FRYL: variants seen among roughly 807,000 people sequenced by gnomAD.
FRYL encodes protein furry homolog-like.
FRYL carries 150 observed loss-of-function variants against 351.2 expected under a neutral mutation model. The ratio of observed to expected loss-of-function variants is 0.43; its 90% CI spans 0.37 to 0.49. The LOEUF is 0.49. Ranked by LOEUF, FRYL falls within the 20% of genes least tolerant of loss-of-function variation. The pLI, the probability that FRYL is intolerant of heterozygous loss-of-function variation, is 0.00. For synonymous variants in FRYL, 1,153 were observed against 1,257.1 expected (o/e 0.92, Z 1.75); for missense variants, 3,036 against 3,619.3 (o/e 0.84, Z 4.13).
At chr4:48,581,074 C>T (rs1740792446) in intron 21 of FRYL, 123 bp from the exon 22 acceptor site, 2 of 585,694 alleles carry the variant, frequency 3.4e-6, no homozygotes, top group Non-Finnish European at 5.7e-6. Flanking sequence ...GAGACGGAGT[C>T]TCGCTCTGTC....
At chr4:48,612,971 A>G (rs1748552476) in intron 7 of FRYL, among the ~76,000 whole-genome samples, 2 of 152,148 alleles carry the variant, frequency 1.3e-5, no homozygotes. Flanking sequence ...ATGAGTATGT[A>G]TGTATATGAA....
chr4:48,540,683 C>A lies in FRYL; in HGVS notation c.5965G>T (p.Asp1989Tyr). The stretch of plus-strand genomic sequence containing the variant: ...GTAGGCTCAGTAGTGGACTGCACGT[C>A]ATACATTCCTTTCTCTCTTAGAGAG... Reference protein sequence around the residue: ...LSSLREKGMYDVQSTTEPTNL... With the variant: ...LSSLREKGMYYVQSTTEPTNL... The change falls in exon 46 of 64, where the codon GAC (aspartate) becomes TAC (tyrosine). Residue 1989 changes from aspartate to tyrosine, a missense_variant. By Grantham distance (160) the Asp-to-Tyr change is radical (BLOSUM62 -3). Around this residue, in one of 7 missense-constraint regions of FRYL, gnomAD observed 1,987 missense variants for 2,311.7 expected, o/e 0.86. Coordinates refer to ENST00000358350, the MANE Select transcript of FRYL (RefSeq NM_015030.2). 6.2e-7 allele frequency: 1 copy of A among 1,614,016 alleles called. No homozygotes were observed. Among genetic ancestry groups the A allele is most frequent in the South Asian group, 1.1e-5 (1 of 91,078 alleles).
chr4:48,712,692 C>T (rs1692937683), intron 1 of FRYL, among the ~76,000 whole-genome samples: 1 of 152,190 alleles, frequency 6.6e-6, no homozygotes, highest in African/African-American at 2.4e-5. Context: ...GGCAGGCCAA[C>T]ATTCAGATTC....
chr4:48,617,137 C>T (rs1423182714), intron 7 of FRYL, among the ~76,000 whole-genome samples: 2 of 151,686 alleles, frequency 1.3e-5, no homozygotes, highest in East Asian at 3.9e-4. Context: ...TTTAAATTAG[C>T]GTATGGGGAT....
At chr4:48,503,675 T>C (rs1720250938) in intron 60 of FRYL, among the ~76,000 whole-genome samples, 1 of 152,198 alleles carries the variant, frequency 6.6e-6, no homozygotes, top group South Asian at 2.1e-4. Context: ...CTTTTCTAAA[T>C]AGTTTCCTGT....
At chr4:48,530,930 T>C (rs1342758551) in intron 50 of FRYL, among the ~76,000 whole-genome samples, 4 of 152,200 alleles carry the variant, frequency 2.6e-5, no homozygotes, top group Non-Finnish European at 5.9e-5. Flanking sequence ...GGAAGCTAAG[T>C]TGTGGCGTTT....
intron 59 of FRYL, 41 bp downstream of exon 59, chr4:48,510,018 A>G (rs754829406): frequency 1.5e-6 from 2 of 1,373,268 alleles, no homozygotes; most frequent in Non-Finnish European, 2.1e-6. Flanking sequence ...TTCCAGTGTC[A>G]AGAGCAAACC....
Position 48,764,171 on chromosome 4 carries a change from AAAAT to A in FRYL, c.-384+15903_-384+15906del, listed in dbSNP as rs774110993. Among the ~76,000 whole-genome samples, 7 of 152,090 alleles carry A rather than the reference AAAAT, an allele frequency of 4.6e-5. No homozygotes were observed. In the East Asian group the frequency reaches 9.7e-4, roughly 21 times the overall value. On this transcript the variant is annotated intron_variant, in intron 1 of 63. Transcript: ENST00000358350. ...TGTGACAGAGCAAGACTCTATCTCA[AAAAT>A]AAATAAATAAATAAATAAATTAAAT...
chr4:48,544,935 G>A, intron 42 of FRYL, 31 bp from the exon 43 acceptor site: 1 of 1,572,510 alleles, frequency 6.4e-7, no homozygotes, highest in Non-Finnish European at 8.6e-7. Flanking sequence ...TAATTTCCTT[G>A]GATTTTCACT....
At position 48,570,833 on chromosome 4, in the gene FRYL, C is replaced by T; in HGVS notation, c.2990G>A (p.Ser997Asn). 6.2e-7 allele frequency: 1 copy of T among 1,609,940 alleles called. No individual in the cohort carries two copies. The highest frequency in any genetic ancestry group is 8.5e-7 in the Non-Finnish European group (1 of 1,176,190). ...ATGTGAATCCAATACTGACCTGTGA[C>T]TAATGACACCAGCATCTGCCAGCAG... ...FELLADAGVISHSASGGLDNE... is the reference protein window; with the variant it reads ...FELLADAGVINHSASGGLDNE... The change falls in exon 27 of 64, where the codon AGT becomes AAT. Residue 997 changes from serine (S) to asparagine (N), a missense_variant. By Grantham distance (46) the Ser-to-Asn change is conservative. Coordinates refer to ENST00000358350, the MANE Select transcript of FRYL (RefSeq NM_015030.2).
At chr4:48,577,591 G>C (rs997216304) in intron 23 of FRYL, among the ~76,000 whole-genome samples, 1 of 152,162 alleles carries the variant, frequency 6.6e-6, no homozygotes, top group Non-Finnish European at 1.5e-5. Flanking sequence ...AAGAAAAATA[G>C]AGCAGAAAAG....
At chr4:48,583,318 A>AT in intron 19 of FRYL, among the ~76,000 whole-genome samples, 2 of 151,990 alleles carry the variant, frequency 1.3e-5, no homozygotes, top group South Asian at 4.2e-4. Context: ...CACCCAGCTA[A>AT]TTTTTTGTAT....
intron 17 of FRYL, among the ~76,000 whole-genome samples, chr4:48,590,171 G>A (rs967108318): frequency 4.6e-5 from 7 of 152,100 alleles, no homozygotes; most frequent in Admixed American, 6.6e-5. Context: ...GAAGACTCAT[G>A]ACTATTATCA....
intron 30 of FRYL, 27 bp downstream of exon 30, chr4:48,564,906 A>T: frequency 8.1e-7 from 1 of 1,232,720 alleles, no homozygotes; most frequent in Non-Finnish European, 1.2e-6. Flanking sequence ...ACTTATTATG[A>T]ACCTTTAAGG....
intron 1 of FRYL, among the ~76,000 whole-genome samples, chr4:48,774,034 C>T (rs181691219): frequency 3.9e-5 from 6 of 152,192 alleles, no homozygotes; most frequent in South Asian, 2.1e-4. Flanking sequence ...GATCAAGTTA[C>T]GCAGGAATGT....
intron 1 of FRYL, among the ~76,000 whole-genome samples, chr4:48,767,138 A>G (rs1203861180): frequency 6.6e-6 from 1 of 152,028 alleles, no homozygotes; most frequent in Non-Finnish European, 1.5e-5. Context: ...TTTAAGGCTT[A>G]TAATTCTGCA....
At chr4:48,742,072 CT>C (rs942590189) in intron 1 of FRYL, among the ~76,000 whole-genome samples, 12 of 152,288 alleles carry the variant, frequency 7.9e-5, no homozygotes, top group African/African-American at 2.6e-4. Context: ...ATGTACCCCC[CT>C]GGAGGGGTAT....
intron 1 of FRYL, among the ~76,000 whole-genome samples, chr4:48,713,328 A>G (rs1423025687): frequency 2.0e-5 from 3 of 152,192 alleles, no homozygotes; most frequent in African/African-American, 7.2e-5. Flanking sequence ...TGACTGGCAA[A>G]TTGCATAAAG....
chr4:48,676,965 C>T (rs777413118), intron 3 of FRYL, among the ~76,000 whole-genome samples: 1 of 152,068 alleles, frequency 6.6e-6, no homozygotes, highest in Non-Finnish European at 1.5e-5. Context: ...AAAATATAAC[C>T]AATTCTTGTT....
Sources: allele counts gnomAD v4.1 joint callset (sites outside exome capture counted in the v4.1 genomes callset), GRCh38; gene constraint gnomAD v4.1.1; regional missense constraint gnomAD v4.1.1; transcripts MANE v1.5; gene names NCBI Gene and HGNC (gene_info 2026-07-23, HGNC 2026-07-21).